The following NECAB2 variants were observed in gnomAD, a reference collection of about 807,000 sequenced individuals.
The protein encoded by NECAB2 is N-terminal EF-hand calcium-binding protein 2.
In NECAB2, 68 loss-of-function variants were observed where a neutral mutation model predicts 51.9. The observed-to-expected ratio is 1.31, with a 90% CI of 1.08 to 1.60. The LOEUF is 1.60. Among genes scored for constraint, NECAB2 ranks in the 40% most tolerant of loss-of-function variants. The pLI is 0.00. For synonymous variants in NECAB2, 329 were observed against 203.5 expected (o/e 1.62, Z -5.25); for missense variants, 854 against 490.3 (o/e 1.74, Z -7.00).
In NECAB2 at chr16:83,998,320, G is replaced by A. The variant is rs773613208; in HGVS notation, c.962+3G>A. On this transcript the variant is annotated splice_donor_region_variant and intron_variant, in intron 10 of 12. Transcript: ENST00000305202. The stretch of plus-strand genomic sequence containing the variant: ...ACTGGCGTGAGGAACTGCTTCCAGT[G>A]AGTGAGCTGCCGAGGCGTGGGTGGG... The A allele has an allele frequency of 4.3e-6, 7 of 1,613,008 alleles. No individual in the cohort carries two copies. The highest frequency in any genetic ancestry group is 2.2e-5 in the East Asian group (1 of 44,880).
intron 5 of NECAB2, among the ~76,000 whole-genome samples, chr16:83,989,056 C>A (rs1043040549): frequency 6.6e-6 from 1 of 152,202 alleles, no homozygotes; most frequent in Non-Finnish European, 1.5e-5. Flanking sequence ...AGTCACTGGT[C>A]CGGGTGCTTT....
rs1275121521 is a variant in NECAB2 at position 83,981,013 on chromosome 16, T to C, written c.362-17T>C. 6.2e-7 allele frequency: 1 copy of C among 1,613,114 alleles called. No homozygotes were observed. The highest frequency in any genetic ancestry group is 1.3e-5 in the African/African-American group (1 of 74,998). On this transcript the variant is annotated splice_polypyrimidine_tract_variant and intron_variant, in intron 4 of 12. Transcript: ENST00000305202. ...GGCAGGACCTGTGACCCCTGACCTTTGCCTTTCCTTCCCCAGATTACTTTG... is the reference window on the plus strand; with the variant it reads ...GGCAGGACCTGTGACCCCTGACCTTCGCCTTTCCTTCCCCAGATTACTTTG...
Position 83,978,489 on chromosome 16 carries a change from A to G in NECAB2, c.272A>G (p.Asp91Gly). Residue 91 changes from aspartate to glycine, a missense_variant, in exon 3 of 13, where the codon GAT (aspartate) becomes GGT (glycine). By Grantham distance (94) the Asp-to-Gly change is moderately conservative (BLOSUM62 -1). Transcript: ENST00000305202. ...SLEEFQLFFA[D>G]GVLNEKELED... ...GAGGAATTCCAGCTCTTCTTTGCAG[A>G]TGGCGTCCTTAATGAGAAAGAACTG... 1.2e-6 allele frequency: 2 copies of G among 1,614,008 alleles called. No homozygotes were observed. Among genetic ancestry groups the G allele is most frequent in the Non-Finnish European group, 1.7e-6 (2 of 1,179,992 alleles).
intron 6 of NECAB2, chr16:83,993,539 C>T (rs2084652934): frequency 6.5e-6 from 1 of 154,280 alleles, no homozygotes; most frequent in Non-Finnish European, 1.5e-5. Context: ...AGCTTTTCAG[C>T]ATCCTTTTGC....
chr16:83,993,669 T>TGTGTGTCTGC, intron 6 of NECAB2: 1 of 151,526 alleles, frequency 6.6e-6, no homozygotes, highest in East Asian at 2.0e-4. Flanking sequence ...TGTGTGTGTG[T>TGTGTGTCTGC]CTGCCTCTGC....
rs568357964 is a variant in NECAB2, at chr16:83,973,436, G to A, written c.226+1261G>A. Among the ~76,000 whole-genome samples, 83 of 152,306 alleles carry A rather than the reference G, an allele frequency of 5.4e-4. 3 individuals carry two copies. The South Asian group carries it at 0.016, about 29-fold the overall frequency. On this transcript the variant is annotated intron_variant, in intron 2 of 12. Coordinates refer to ENST00000305202, the MANE Select transcript of NECAB2 (RefSeq NM_019065.3). Reference sequence around the variant, plus strand: ...CCACCCTGGCCTCCTGCATCCCTGGGGGGTGACAGTGACCACTCCCAGGCC... The same window carrying A: ...CCACCCTGGCCTCCTGCATCCCTGGAGGGTGACAGTGACCACTCCCAGGCC...
chr16:83,988,577 G>T lies in NECAB2; in HGVS notation c.460-1917G>T, dbSNP rs76762876. Among the ~76,000 whole-genome samples, 858 of 152,108 alleles carry T rather than the reference G, an allele frequency of 5.6e-3. 4 individuals are homozygous for T. Among genetic ancestry groups the T allele is most frequent in the Middle Eastern group, 0.014 (4 of 294 alleles). On this transcript the variant is annotated intron_variant, in intron 5 of 12. Transcript: ENST00000305202. ...ACCTGAATGTTTAATTTGAGTGATCGCTGTTAGTTCTTGTCATAACTTCCC... is the reference window on the plus strand; with the variant it reads ...ACCTGAATGTTTAATTTGAGTGATCTCTGTTAGTTCTTGTCATAACTTCCC...
chr16:83,999,741 T>TCCTCTGTGGCCCAGCACCCCCTC (rs1206330622), intron 10 of NECAB2, among the ~76,000 whole-genome samples: 5 of 152,148 alleles, frequency 3.3e-5, no homozygotes, highest in African/African-American at 9.6e-5. Context: ...TGCAGCCCCT[T>TCCTCTGTGGCCCAGCACCCCCTC]CCTCTGTGGC....
chr16:83,970,788 T>C (rs1397125723), intron 1 of NECAB2, among the ~76,000 whole-genome samples: 1 of 152,122 alleles, frequency 6.6e-6, no homozygotes, highest in African/African-American at 2.4e-5. Flanking sequence ...CTGGGATCCT[T>C]CTCAGGCTTT....
intron 5 of NECAB2, among the ~76,000 whole-genome samples, chr16:83,981,897 T>C (rs2084493924): frequency 1.3e-5 from 2 of 152,006 alleles, no homozygotes; most frequent in Non-Finnish European, 2.9e-5. Context: ...GCTTTGGGAG[T>C]CCAGAAAAGC....
In NECAB2 at chr16:84,000,766, C is replaced by G; in HGVS notation, c.1005C>G (p.Ile335Met). The G allele has an allele frequency of 1.9e-6, 3 of 1,613,858 alleles. No individual in the cohort carries two copies. The highest frequency in any genetic ancestry group is 1.3e-5 in the African/African-American group (1 of 75,026). ...VRLSDGFTFV[I>M]YEFWETEEAW... ...TCTCAGATGGCTTCACCTTTGTCATCTATGAGTTCTGGGAGACAGAGGAGG... is the reference window on the plus strand; with the variant it reads ...TCTCAGATGGCTTCACCTTTGTCATGTATGAGTTCTGGGAGACAGAGGAGG... The change falls in exon 11 of 13, where the codon ATC becomes ATG. Residue 335 changes from isoleucine (I) to methionine (M), a missense_variant. Coordinates refer to ENST00000305202, the MANE Select transcript of NECAB2 (RefSeq NM_019065.3).
chr16:83,997,465 G>C (rs1290832871), intron 9 of NECAB2, among the ~76,000 whole-genome samples, 196 bp downstream of exon 9: 2 of 139,862 alleles, frequency 1.4e-5, no homozygotes, highest in African/African-American at 5.2e-5. Context: ...GGTATTTCTT[G>C]AGGCTCCCTG....
chr16:83,978,597 G>T, intron 3 of NECAB2, 45 bp downstream of exon 3: 2 of 1,484,984 alleles, frequency 1.3e-6, no homozygotes. Flanking sequence ...TGTGTGGGCT[G>T]TGGTGGAGGC....
intron 6 of NECAB2, among the ~76,000 whole-genome samples, chr16:83,992,592 T>C (rs1162939382): frequency 6.6e-6 from 1 of 152,170 alleles, no homozygotes; most frequent in East Asian, 1.9e-4. Context: ...GCTGGGGGAC[T>C]GGGGTTTGAT....
At chr16:83,985,497 G>A (rs1382226897) in intron 5 of NECAB2, among the ~76,000 whole-genome samples, 1 of 151,282 alleles carries the variant, frequency 6.6e-6, no homozygotes, top group Non-Finnish European at 1.5e-5. Context: ...GCTGGGCGTG[G>A]TGGCAGTTGT....
chr16:83,965,660 A>G (rs2084270449), upstream of NECAB2: 1 of 1,613,390 alleles, frequency 6.2e-7, no homozygotes, highest in African/African-American at 1.3e-5. Flanking sequence ...CAGCCTCCCC[A>G]GGCACCAGCT....
chr16:83,972,586 A>G (rs960892622), intron 2 of NECAB2, among the ~76,000 whole-genome samples: 4 of 152,342 alleles, frequency 2.6e-5, no homozygotes, highest in African/African-American at 7.2e-5. Flanking sequence ...GCAGTTCTTC[A>G]TCGTAGCAAC....
chr16:83,971,899 C>T (rs988941498), intron 1 of NECAB2: 3 of 594,448 alleles, frequency 5.0e-6, no homozygotes, highest in Admixed American at 3.0e-5. Context: ...TGTGTGTCAG[C>T]GTGGCTGGGA....
Position 84,002,439 on chromosome 16 carries a change from G to GATT in NECAB2, c.*93_*94insATT. 6.7e-7 allele frequency: 1 copy of GATT among 1,483,992 alleles called. No individual in the cohort carries two copies. Among genetic ancestry groups the GATT allele is most frequent in the Non-Finnish European group, 9.4e-7 (1 of 1,067,220 alleles). The allele number at this position is 1,483,992 out of a possible 1,614,324, so 91.9% of individuals were successfully genotyped here. A position where few individuals can be genotyped will look rare whatever the true frequency, so the allele number is the denominator to read the frequency against. On this transcript the variant is annotated 3_prime_UTR_variant, in exon 13 of 13. Transcript: ENST00000305202. Reference sequence around the variant, plus strand: ...TCTAGACAGACACTTTGGTGCAGAAGCTTCTTTTCAATCCATCCTCCACAA... The same window carrying GATT: ...TCTAGACAGACACTTTGGTGCAGAAGATTCTTCTTTTCAATCCATCCTCCACAA...
Sources: allele counts gnomAD v4.1 joint callset (sites outside exome capture counted in the v4.1 genomes callset), GRCh38; gene constraint gnomAD v4.1.1; transcripts MANE v1.5; gene names NCBI Gene and HGNC (gene_info 2026-07-23, HGNC 2026-07-21).